BRD2: variants seen among roughly 807,000 people sequenced by gnomAD.
BRD2 encodes the protein bromodomain containing 2, also known as bromodomain-containing protein 2.
Under a neutral mutation model 79.1 loss-of-function variants are expected in BRD2, and 15 were observed. That is an observed-to-expected ratio of 0.19 (90% CI 0.13 to 0.29). BRD2 has a LOEUF of 0.29. Ranked by LOEUF, BRD2 falls within the 10% of genes least tolerant of loss-of-function variation. BRD2 has a pLI of 1.00. For missense variants in BRD2, 1,053 were observed against 991.3 expected (o/e 1.06, Z -0.84); for synonymous variants, 488 against 358.6 (o/e 1.36, Z -4.08).
At position 32,976,449 on chromosome 6, in the gene BRD2, C is replaced by G; in HGVS notation, c.810C>G (p.Ala270=). 1 of 1,610,078 alleles carries G rather than the reference C, an allele frequency of 6.2e-7. No homozygotes were observed. Among genetic ancestry groups the G allele is most frequent in the Non-Finnish European group, 8.5e-7 (1 of 1,180,006 alleles). The change falls in exon 6 of 13, where the codon GCC becomes GCG. Residue 270 remains alanine, a synonymous_variant. Transcript: ENST00000374825. ...PLLAVTAAPP[A]QPLAKKKGVK... ...TTGCTGTTACTGCAGCTCCTCCAGC[C>G]CAGCCCCTTGCCAAGGTATGATCTG... is the stretch of plus-strand genomic sequence containing the variant.
rs1275571686 is a variant in BRD2 at position 32,977,507 on chromosome 6, C to G, written c.1266C>G (p.Phe422Leu). The G allele has an allele frequency of 6.2e-7, 1 of 1,614,046 alleles. No individual in the cohort carries two copies. The highest frequency in any genetic ancestry group is 8.5e-7 in the Non-Finnish European group (1 of 1,180,038). Residue 422 changes from phenylalanine (F) to leucine (L), a missense_variant, in exon 8 of 13, where the codon TTC (phenylalanine) becomes TTG (leucine). Physicochemically the swap from Phe to Leu is conservative, Grantham distance 22. Around this residue, in one of 5 missense-constraint regions of BRD2, gnomAD observed 454 missense variants for 430.5 expected, o/e 1.05. Coordinates refer to ENST00000374825, the MANE Select transcript of BRD2 (RefSeq NM_005104.4). ...QEFAADVRLM[F>L]SNCYKYNPPD... ...TTGCTGCTGATGTACGGCTTATGTT[C>G]TCCAACTGCTATAAGTACAATCCCC... is the stretch of plus-strand genomic sequence containing the variant.
chr6:32,980,612 A>G lies in BRD2; in HGVS notation c.2300A>G (p.Gln767Arg), dbSNP rs1222221050. Residue 767 changes from glutamine to arginine, a missense_variant, in exon 13 of 13, where the codon CAG becomes CGG. Gln to Arg is a conservative substitution (Grantham distance 43, BLOSUM62 1). Coordinates refer to ENST00000374825, the MANE Select transcript of BRD2 (RefSeq NM_005104.4). ...GAGAAAACAGAGTCATCCTCTGCAC[A>G]GCAAGTAGCAGTGTCACGCCTTAGC... ...ANEKTESSSAQQVAVSRLSAS... is the reference protein window; with the variant it reads ...ANEKTESSSARQVAVSRLSAS... The G allele has an allele frequency of 1.2e-6, 2 of 1,613,180 alleles. No homozygotes were observed. The highest frequency in any genetic ancestry group is 1.7e-6 in the Non-Finnish European group (2 of 1,180,052).
intron 8 of BRD2, 86 bp from the exon 9 acceptor site, chr6:32,977,671 G>A (rs1415822858): frequency 1.9e-6 from 3 of 1,603,144 alleles, no homozygotes; most frequent in African/African-American, 1.3e-5. Flanking sequence ...GTTCTGTACA[G>A]TTGTAAATTG....
rs764110370 is a variant in BRD2, at chr6:32,978,165, G to A, written c.1618G>A (p.Gly540Ser). ...VHEQLAALSQ[G>S]PISKPKRKRE... ...TGAACAACTGGCTGCTCTGTCCCAGGGTCCAATATCCAAGCCCAAGAGGAA... is the reference window on the plus strand; with the variant it reads ...TGAACAACTGGCTGCTCTGTCCCAGAGTCCAATATCCAAGCCCAAGAGGAA... The change falls in exon 10 of 13, where the codon GGT becomes AGT. Residue 540 changes from glycine (G) to serine (S), a missense_variant. Around this residue, in one of 5 missense-constraint regions of BRD2, gnomAD observed 454 missense variants for 430.5 expected, o/e 1.05. Coordinates refer to ENST00000374825, the MANE Select transcript of BRD2 (RefSeq NM_005104.4). The A allele has an allele frequency of 1.7e-5, 27 of 1,612,468 alleles. No individual in the cohort carries two copies. The highest frequency in any genetic ancestry group is 2.2e-5 in the East Asian group (1 of 44,884).
At position 32,974,510 on chromosome 6, in the gene BRD2, A is replaced by G; in HGVS notation, c.78A>G (p.Ala26=). ...GGTTGCTGGGGCTGGGCCCAGAAGC[A>G]GCAGCACCAGGGAAGAGGATTCGAA... ...NAGLLGLGPE[A]AAPGKRIRKP... Residue 26 remains alanine, a synonymous_variant, in exon 3 of 13, where the codon GCA becomes GCG. Transcript: ENST00000374825. The G allele has an allele frequency of 6.2e-7, 1 of 1,613,980 alleles. No individual in the cohort carries two copies. Among genetic ancestry groups the G allele is most frequent in the Non-Finnish European group, 8.5e-7 (1 of 1,179,830 alleles).
chr6:32,976,767 G>A lies in BRD2; in HGVS notation c.1031G>A (p.Gly344Glu). Reference protein sequence around the residue: ...SQQQHQSSKKGKLSEQLKHCN... With the variant: ...SQQQHQSSKKEKLSEQLKHCN... ...CAACAACACCAGAGCTCTAAGAAAGGAAAGCTTTCAGAACAGTTAAAACAT... is the reference window on the plus strand; with the variant it reads ...CAACAACACCAGAGCTCTAAGAAAGAAAAGCTTTCAGAACAGTTAAAACAT... Residue 344 changes from glycine to glutamate, a missense_variant, in exon 7 of 13, where the codon GGA (glycine) becomes GAA (glutamate). This residue lies in a region of BRD2 where 454 missense variants were observed against 430.5 expected (regional missense o/e 1.05). Transcript: ENST00000374825. 3 of 1,613,290 alleles carry A rather than the reference G, an allele frequency of 1.9e-6. No homozygotes were observed. Among genetic ancestry groups the A allele is most frequent in the African/African-American group, 1.3e-5 (1 of 75,044 alleles).
rs1000069582 is a variant in BRD2 at position 32,980,805 on chromosome 6, G to A, written c.*87G>A. The A allele has an allele frequency of 9.3e-6, 14 of 1,511,196 alleles. No individual in the cohort carries two copies. In the South Asian group the frequency reaches 1.6e-4, roughly 17 times the overall value. The allele number at this position is 1,511,196 out of a possible 1,614,324, so 93.6% of individuals were successfully genotyped here. On this transcript the variant is annotated 3_prime_UTR_variant, in exon 13 of 13. Coordinates refer to ENST00000374825, the MANE Select transcript of BRD2 (RefSeq NM_005104.4). ...CACCTGCCCCTTCCCCCTTTGCTGT[G>A]ACACTTCTTCATCTCACCCCCCCCC...
rs1321952066 is a variant in BRD2, at chr6:32,974,510, A to C, written c.78A>C (p.Ala26=). The part of the protein sequence containing the change: ...NAGLLGLGPE[A]AAPGKRIRKP... ...GGTTGCTGGGGCTGGGCCCAGAAGCAGCAGCACCAGGGAAGAGGATTCGAA... is the reference window on the plus strand; with the variant it reads ...GGTTGCTGGGGCTGGGCCCAGAAGCCGCAGCACCAGGGAAGAGGATTCGAA... Residue 26 remains alanine (A), a synonymous_variant, in exon 3 of 13, where the codon GCA becomes GCC. Transcript: ENST00000374825. 7.4e-6 allele frequency: 12 copies of C among 1,613,980 alleles called. No individual in the cohort carries two copies. Among genetic ancestry groups the C allele is most frequent in the Middle Eastern group, 1.6e-4 (1 of 6,062 alleles).
intron 8 of BRD2, 73 bp from the exon 9 acceptor site, chr6:32,977,684 G>A: frequency 6.2e-7 from 1 of 1,604,684 alleles, no homozygotes; most frequent in African/African-American, 1.3e-5. Context: ...GTAAATTGGA[G>A]CTATATCACT....
intron 11 of BRD2, 25 bp downstream of exon 11, chr6:32,980,157 C>T (rs779807932): frequency 6.2e-7 from 1 of 1,603,050 alleles, no homozygotes. Flanking sequence ...AGGTTCATCT[C>T]ATGGTTCTGA....
chr6:32,976,218 G>T, intron 5 of BRD2, 32 bp from the exon 6 acceptor site: 1 of 1,610,936 alleles, frequency 6.2e-7, no homozygotes, highest in Non-Finnish European at 8.5e-7. Flanking sequence ...ATGGGGAAGA[G>T]AATCAAACTA....
At position 32,979,878 on chromosome 6, in the gene BRD2, A is replaced by G. The variant is rs780847989; in HGVS notation, c.1892A>G (p.Tyr631Cys). 2 of 1,613,066 alleles carry G rather than the reference A, an allele frequency of 1.2e-6. No homozygotes were observed. Among genetic ancestry groups the G allele is most frequent in the South Asian group, 1.1e-5 (1 of 91,072 alleles). Residue 631 changes from tyrosine (Y) to cysteine (C), a missense_variant, in exon 11 of 13, where the codon TAT becomes TGT. By Grantham distance (194) the Tyr-to-Cys change is radical. Transcript: ENST00000374825. ...GCCCCACCTGCCCTGCCTACAGGTT[A>G]TGATTCAGAGGAGGAGGAAGAGAGC... is the stretch of plus-strand genomic sequence containing the variant. ...KTAPPALPTG[Y>C]DSEEEEESRP...
At chr6:32,969,308 C>T (rs1170314338) in intron 1 of BRD2, 4 of 716,296 alleles carry the variant, frequency 5.6e-6, no homozygotes, top group Admixed American at 4.0e-5. Flanking sequence ...GGTGTGGCCC[C>T]CCCTATTCCA....
At chr6:32,977,414 C>T (rs1778910812) in intron 7 of BRD2, 28 bp from the exon 8 acceptor site, 1 of 1,613,524 alleles carries the variant, frequency 6.2e-7, no homozygotes, top group East Asian at 2.2e-5. Context: ...CCTGCCTGTG[C>T]AGCTTCTGAT....
intron 3 of BRD2, 73 bp from the exon 4 acceptor site, chr6:32,975,311 A>AGAGT: frequency 9.0e-7 from 1 of 1,115,978 alleles, no homozygotes; most frequent in Non-Finnish European, 1.3e-6. Flanking sequence ...TGTGTGTGTG[A>AGAGT]GAGTCGGGGA....
At chr6:32,974,865 TC>T (rs1778517652) in intron 3 of BRD2, 100 bp downstream of exon 3, 1 of 1,445,310 alleles carries the variant, frequency 6.9e-7, no homozygotes, top group Non-Finnish European at 9.3e-7. Flanking sequence ...CCTAGGGAGT[TC>T]CCATTTCTCC....
chr6:32,979,908 C>T lies in BRD2; in HGVS notation c.1922C>T (p.Pro641Leu), dbSNP rs138736016. The T allele has an allele frequency of 8.1e-6, 13 of 1,613,174 alleles. No individual in the cohort carries two copies. The highest frequency in any genetic ancestry group is 3.3e-5 in the Admixed American group (2 of 60,008). Residue 641 changes from proline (P) to leucine (L), a missense_variant, in exon 11 of 13, where the codon CCC becomes CTC. Physicochemically the swap from Pro to Leu is moderately conservative, Grantham distance 98 (BLOSUM62 -3). Transcript: ENST00000374825. Reference protein sequence around the residue: ...YDSEEEEESRPMSYDEKRQLS... With the variant: ...YDSEEEEESRLMSYDEKRQLS... Reference sequence around the variant, plus strand: ...TCAGAGGAGGAGGAAGAGAGCAGGCCCATGAGTTACGATGAGAAGCGGCAG... The same window carrying T: ...TCAGAGGAGGAGGAAGAGAGCAGGCTCATGAGTTACGATGAGAAGCGGCAG...
rs564641147 is a variant in BRD2, at chr6:32,972,784, C to G, written c.-115C>G. The G allele has an allele frequency of 1.2e-5, 18 of 1,517,262 alleles. No homozygotes were observed. In the South Asian group the frequency reaches 1.9e-4, roughly 16 times the overall value. 94.0% of individuals were successfully genotyped at this position (1,517,262 alleles called of 1,614,324 possible). A position where few individuals can be genotyped will look rare whatever the true frequency, so the allele number is the denominator to read the frequency against. ...GCAGGGGGTTTGTCGCCTGGAGGCC[C>G]AAGAGGAACGGCCTCCCCCCAACTT... On this transcript the variant is annotated 5_prime_UTR_variant, in exon 2 of 13. Coordinates refer to ENST00000374825, the MANE Select transcript of BRD2 (RefSeq NM_005104.4).
In BRD2 at chr6:32,974,329, T is replaced by G. The variant is rs550361451; in HGVS notation, c.30-133T>G. ...CTCCACAGATTGTTTGGATATTGTT[T>G]CTGCTTAAGAAGCACTTGGCATAAG... On this transcript the variant is annotated intron_variant, in intron 2 of 12. Transcript: ENST00000374825. 175 of 880,482 alleles carry G rather than the reference T, an allele frequency of 2.0e-4. No individual in the cohort carries two copies. In the African/African-American group the frequency reaches 2.8e-3, roughly 14 times the overall value. 54.5% of individuals were successfully genotyped at this position (880,482 alleles called of 1,614,324 possible). A position where few individuals can be genotyped will look rare whatever the true frequency, so the allele number is the denominator to read the frequency against.
Sources: allele counts gnomAD v4.1 joint callset, GRCh38; gene constraint gnomAD v4.1.1; regional missense constraint gnomAD v4.1.1; transcripts MANE v1.5; gene names NCBI Gene and HGNC (gene_info 2026-07-23, HGNC 2026-07-21).